Variants in CTNNA1 observed in about 807,000 individuals in gnomAD.
The protein encoded by CTNNA1 is catenin alpha 1.
CTNNA1 carries 37 observed loss-of-function variants against 98.4 expected under a neutral mutation model. The observed-to-expected ratio is 0.38, with a 90% CI of 0.29 to 0.49. The LOEUF is 0.49. Among genes scored for constraint, CTNNA1 ranks in the 20% least tolerant of loss-of-function variants. The pLI, the probability that CTNNA1 is intolerant of heterozygous loss-of-function variation, is 0.95. For missense variants in CTNNA1, 761 were observed against 1,147.2 expected, an observed-to-expected ratio of 0.66 and a Z score of 4.86; for synonymous variants, 404 against 413.2, an observed-to-expected ratio of 0.98 and a Z score of 0.27.
chr5:138,843,624 T>A (rs898374499), intron 7 of CTNNA1, among the ~76,000 whole-genome samples: 2 of 152,164 alleles, frequency 1.3e-5, no homozygotes, highest in Non-Finnish European at 2.9e-5. Flanking sequence ...ATGATGCCAT[T>A]ATGTAGAGCC....
intron 7 of CTNNA1, among the ~76,000 whole-genome samples, chr5:138,879,171 T>TAAA (rs35271091): frequency 0.035 from 2,839 of 80,252 alleles, 161 homozygotes; most frequent in African/African-American, 0.098. Flanking sequence ...ACTCCGTCTT[T>TAAA]AAAAAAAAAA....
At chr5:138,889,685 C>T (rs1175832761) in intron 9 of CTNNA1, among the ~76,000 whole-genome samples, 3 of 121,726 alleles carry the variant, frequency 2.5e-5, no homozygotes, top group Non-Finnish European at 4.8e-5. Flanking sequence ...CAGCTCAGTT[C>T]TGACCCCTTT....
At chr5:138,794,371 C>A (rs966234799) in intron 3 of CTNNA1, among the ~76,000 whole-genome samples, 17 of 151,976 alleles carry the variant, frequency 1.1e-4, no homozygotes, top group African/African-American at 3.9e-4. Flanking sequence ...AACAAAAAAA[C>A]AACTGCATCC....
chr5:138,849,794 C>T (rs1005467441), intron 7 of CTNNA1, among the ~76,000 whole-genome samples: 1 of 152,040 alleles, frequency 6.6e-6, no homozygotes, highest in Non-Finnish European at 1.5e-5. Flanking sequence ...GAGATCCTTA[C>T]AGTTGCATTT....
chr5:138,858,653 TG>T (rs1383938209), intron 7 of CTNNA1, among the ~76,000 whole-genome samples: 2 of 148,862 alleles, frequency 1.3e-5, no homozygotes, highest in African/African-American at 5.0e-5. Context: ...TGGAGTGCAG[TG>T]GCATGATCTT....
In CTNNA1 at chr5:138,874,535, A is replaced by G. The variant is rs1751076934; in HGVS notation, c.1063-11677A>G. ...TATTGCTGCCAGCATAGGGGCCCCT[A>G]ATGGCCACTTGAAATGTAAGCCTGC... is the stretch of plus-strand genomic sequence containing the variant. On this transcript the variant is annotated intron_variant, in intron 7 of 17. Transcript: ENST00000302763. The surrounding 1 kb of genome is among the most constrained non-coding windows in gnomAD (Gnocchi z 4.1). The G allele has an allele frequency of 1.3e-6, 2 of 1,575,580 alleles. No homozygotes were observed. Among genetic ancestry groups the G allele is most frequent in the East Asian group, 2.3e-5 (1 of 43,728 alleles).
At chr5:138,784,008 CTTA>C (rs1755414695) in intron 3 of CTNNA1, among the ~76,000 whole-genome samples, 2 of 152,138 alleles carry the variant, frequency 1.3e-5, no homozygotes, top group African/African-American at 4.8e-5. Context: ...AAAAATTGTC[CTTA>C]TTATGTTACA....
In CTNNA1 at chr5:138,862,372, G is replaced by A. The variant is rs764482985; in HGVS notation, c.1063-23840G>A. Among the ~76,000 whole-genome samples the A allele has an allele frequency of 1.1e-4, 17 of 152,288 alleles. No homozygotes were observed. The East Asian group carries it at 2.9e-3, about 26-fold the overall frequency. On this transcript the variant is annotated intron_variant, in intron 7 of 17. Coordinates refer to ENST00000302763, the MANE Select transcript of CTNNA1 (RefSeq NM_001903.5). ...CATTTTTTTCTAAACAAAAAGGAAC[G>A]TAATAGTGATCCTTAATTCTCAGCC...
chr5:138,913,140 G>A (rs1287853470), intron 10 of CTNNA1, among the ~76,000 whole-genome samples: 6 of 150,256 alleles, frequency 4.0e-5, no homozygotes, highest in Admixed American at 2.0e-4. Flanking sequence ...GAAACTGTTC[G>A]TTTCTTTACA....
intron 7 of CTNNA1, among the ~76,000 whole-genome samples, chr5:138,844,118 C>T (rs1762499276): frequency 6.6e-6 from 1 of 150,590 alleles, no homozygotes; most frequent in African/African-American, 2.5e-5. Flanking sequence ...TAAAGAATGG[C>T]CACTCCATAG....
At position 138,781,919 on chromosome 5, in the gene CTNNA1, T is replaced by A; in HGVS notation, c.-2-4T>A. The stretch of plus-strand genomic sequence containing the variant: ...GCCTGACTGACTTTTTGTTTCTTAT[T>A]TAGAAATGACTGCTGTCCATGCAGG... On this transcript the variant is annotated splice_polypyrimidine_tract_variant and splice_region_variant and intron_variant, in intron 1 of 17. Transcript: ENST00000302763. The A allele has an allele frequency of 6.4e-7, 1 of 1,574,104 alleles. No homozygotes were observed. The highest frequency in any genetic ancestry group is 1.2e-5 in the South Asian group (1 of 84,172).
rs186091535 is a variant in CTNNA1 at position 138,802,268 on chromosome 5, A to G, written c.302-7770A>G. On this transcript the variant is annotated intron_variant, in intron 3 of 17. Transcript: ENST00000302763. ...TACATTAAGCAAATATTAGTTGACT[A>G]TATCATATCCCTATACATTTATAAT... 2.8e-3 allele frequency among the ~76,000 whole-genome samples: 431 copies of G among 152,354 alleles called. 1 individual carries two copies. The highest frequency in any genetic ancestry group is 9.9e-3 in the African/African-American group (411 of 41,596).
intron 7 of CTNNA1, among the ~76,000 whole-genome samples, chr5:138,835,249 C>T (rs1024339478): frequency 6.6e-6 from 1 of 152,178 alleles, no homozygotes; most frequent in African/African-American, 2.4e-5. Flanking sequence ...TTAGCTTGGG[C>T]TCAGAGGCCT....
At chr5:138,797,487 G>T (rs765826397) in intron 3 of CTNNA1, among the ~76,000 whole-genome samples, 1 of 152,082 alleles carries the variant, frequency 6.6e-6, no homozygotes, top group Non-Finnish European at 1.5e-5. Flanking sequence ...TACCTGGGTG[G>T]GGGCAGATTG....
At position 138,783,358 on chromosome 5, in the gene CTNNA1, A is replaced by G. The variant is rs772151551; in HGVS notation, c.287A>G (p.Asp96Gly). 16 of 1,613,288 alleles carry G rather than the reference A, an allele frequency of 9.9e-6. No homozygotes were observed. In the South Asian group the frequency reaches 1.8e-4, roughly 18 times the overall value. The stretch of plus-strand genomic sequence containing the variant: ...GAGGAGCTTGTGGCTGCTGTAGAAG[A>G]TGTTCGAAAACAAGGTAGGTCATTA... ...LKEELVAAVE[D>G]VRKQGDLMKA... is the part of the protein sequence containing the mutation. The change falls in exon 3 of 18, where the codon GAT becomes GGT. Residue 96 changes from aspartate (D) to glycine (G), a missense_variant. By Grantham distance (94) the Asp-to-Gly change is moderately conservative (BLOSUM62 -1). Around this residue, in one of 6 missense-constraint regions of CTNNA1, gnomAD observed 328 missense variants for 354.3 expected, o/e 0.93. Coordinates refer to ENST00000302763, the MANE Select transcript of CTNNA1 (RefSeq NM_001903.5).
chr5:138,901,809 G>A (rs1581595380), intron 9 of CTNNA1, among the ~76,000 whole-genome samples: 1 of 152,180 alleles, frequency 6.6e-6, no homozygotes, highest in East Asian at 1.9e-4. Context: ...CATTTAGGAA[G>A]CTCCTCTCCT....
chr5:138,792,014 C>G lies in CTNNA1; in HGVS notation c.301+8642C>G, dbSNP rs1756437105. 4.0e-5 allele frequency among the ~76,000 whole-genome samples: 6 copies of G among 151,756 alleles called. No homozygotes were observed. In the South Asian group the frequency reaches 1.2e-3, roughly 32 times the overall value. On this transcript the variant is annotated intron_variant, in intron 3 of 17. Transcript: ENST00000302763. Reference sequence around the variant, plus strand: ...CCCAGTCATATAAAACTGAGGGTCTCTTAGGGCATTGTTATAAAGAAAGGA... The same window carrying G: ...CCCAGTCATATAAAACTGAGGGTCTGTTAGGGCATTGTTATAAAGAAAGGA...
intron 5 of CTNNA1, among the ~76,000 whole-genome samples, chr5:138,822,946 A>G (rs1159516849): frequency 6.6e-6 from 1 of 152,236 alleles, no homozygotes; most frequent in Non-Finnish European, 1.5e-5. Context: ...TAGCTAAGTC[A>G]GATGGCTAAT....
intron 7 of CTNNA1, among the ~76,000 whole-genome samples, chr5:138,855,570 G>A (rs936090848): frequency 2.6e-5 from 4 of 152,200 alleles, no homozygotes; most frequent in Non-Finnish European, 5.9e-5. Flanking sequence ...AGCTTAGAAT[G>A]CTGTTTTACC....
Sources: gnomAD v4.1 joint callset for allele counts (sites outside exome capture counted in the v4.1 genomes callset) on GRCh38, gnomAD v4.1.1 for gene constraint, gnomAD v4.1.1 regional missense constraint, Gnocchi (gnomAD v3.1) non-coding constraint, MANE v1.5 for transcripts, NCBI Gene and HGNC (gene_info 2026-07-23, HGNC 2026-07-21) for gene names.